SCFD1: variants seen among roughly 807,000 people sequenced by gnomAD.
The protein encoded by SCFD1 is sec1 family domain containing 1.
A neutral mutation model predicts 103.2 loss-of-function variants in SCFD1; 37 were observed. The observed-to-expected ratio is 0.36, with a 90% CI of 0.28 to 0.47. The LOEUF is 0.47. Ranked by LOEUF, SCFD1 falls within the 20% of genes least tolerant of loss-of-function variation. SCFD1 has a pLI of 1.00. For synonymous variants in SCFD1, 264 were observed against 245.0 expected, an observed-to-expected ratio of 1.08 and a Z score of -0.73; for missense variants, 639 against 761.2, an observed-to-expected ratio of 0.84 and a Z score of 1.89.
At chr14:30,700,581 G>A (rs943710141) in intron 16 of SCFD1, among the ~76,000 whole-genome samples, 1 of 152,174 alleles carries the variant, frequency 6.6e-6, no homozygotes, top group African/African-American at 2.4e-5. Context: ...GGCTGAGGCA[G>A]GAGAATCGCT....
chr14:30,694,095 A>G (rs1440507067), intron 14 of SCFD1, among the ~76,000 whole-genome samples: 1 of 152,212 alleles, frequency 6.6e-6, no homozygotes, highest in Non-Finnish European at 1.5e-5. Context: ...AATTTAGTTT[A>G]AGGTAACTTT....
At chr14:30,657,839 C>T (rs1046054721) in intron 10 of SCFD1, among the ~76,000 whole-genome samples, 1 of 151,972 alleles carries the variant, frequency 6.6e-6, no homozygotes, top group African/African-American at 2.4e-5. Flanking sequence ...AATGTCTTTG[C>T]CTGAAAATCT....
intron 3 of SCFD1, among the ~76,000 whole-genome samples, chr14:30,633,100 G>T (rs956586961): frequency 6.6e-6 from 1 of 152,162 alleles, no homozygotes; most frequent in Non-Finnish European, 1.5e-5. Flanking sequence ...TGAAATGGTG[G>T]TTGTAGCCCA....
rs117508094 is a variant in SCFD1, at chr14:30,632,623, G to T, written c.222-1324G>T. ...ACTTCATGCTATCCTTGGAAATTGT[G>T]GTTTATTAATAAACATTGAGTGCCA... is the stretch of plus-strand genomic sequence containing the variant. On this transcript the variant is annotated intron_variant, in intron 3 of 24. Coordinates refer to ENST00000458591, the MANE Select transcript of SCFD1 (RefSeq NM_016106.4). 5.1e-3 allele frequency among the ~76,000 whole-genome samples: 771 copies of T among 152,144 alleles called. 1 individual carries two copies. Among genetic ancestry groups the T allele is most frequent in the Non-Finnish European group, 8.2e-3 (558 of 67,990 alleles).
At position 30,622,411 on chromosome 14, in the gene SCFD1, T is replaced by C; in HGVS notation, c.61+12T>C. ...GGAAAGGCAGACAGGTACTGACTTA[T>C]TCTCTTCTCCTTGAAGCTTCGTGAC... On this transcript the variant is annotated intron_variant, in intron 1 of 24. Coordinates refer to ENST00000458591, the MANE Select transcript of SCFD1 (RefSeq NM_016106.4). 12 of 1,551,688 alleles carry C rather than the reference T, an allele frequency of 7.7e-6. No individual in the cohort carries two copies. Among genetic ancestry groups the C allele is most frequent in the Middle Eastern group, 1.7e-4 (1 of 5,988 alleles).
intron 17 of SCFD1, among the ~76,000 whole-genome samples, chr14:30,703,960 T>TATATATAA (rs1891286541): frequency 2.2e-5 from 1 of 45,398 alleles, no homozygotes; most frequent in Non-Finnish European, 3.2e-5. Context: ...TATATATATA[T>TATATATAA]ATAAATAATG....
chr14:30,622,308 C>T (rs1191754148), upstream of SCFD1: 7 of 1,594,034 alleles, frequency 4.4e-6, no homozygotes, highest in Non-Finnish European at 6.0e-6. Flanking sequence ...CGCTCCGCTC[C>T]CCAGCCGGGC....
chr14:30,684,524 A>G (rs1212542720), intron 14 of SCFD1, among the ~76,000 whole-genome samples: 13 of 152,132 alleles, frequency 8.5e-5, no homozygotes, highest in Admixed American at 7.2e-4. Flanking sequence ...TGAATGTAAA[A>G]TCAGTCTGAT....
At chr14:30,625,056 A>G (rs555899720) in intron 1 of SCFD1, among the ~76,000 whole-genome samples, 61 of 152,086 alleles carry the variant, frequency 4.0e-4, no homozygotes, top group Admixed American at 1.6e-3. Context: ...AGCACTTACC[A>G]TGATCTACAT....
intron 15 of SCFD1, among the ~76,000 whole-genome samples, chr14:30,696,798 T>G (rs1299922442): frequency 6.6e-6 from 1 of 151,872 alleles, no homozygotes; most frequent in Non-Finnish European, 1.5e-5. Context: ...AAATCAGAGC[T>G]CAAGTGAAGT....
chr14:30,734,023 CTTTTG>C (rs1245794360), intron 23 of SCFD1, among the ~76,000 whole-genome samples: 1 of 152,080 alleles, frequency 6.6e-6, no homozygotes, highest in South Asian at 2.1e-4. Context: ...TGAGTTGTGG[CTTTTG>C]TTTTATTTAT....
chr14:30,678,014 A>C (rs1296820264), intron 14 of SCFD1, among the ~76,000 whole-genome samples: 1 of 151,360 alleles, frequency 6.6e-6, no homozygotes, highest in African/African-American at 2.4e-5. Flanking sequence ...TAATTTATGT[A>C]TTTTTAGTAG....
intron 3 of SCFD1, among the ~76,000 whole-genome samples, chr14:30,633,738 G>A (rs1884417317): frequency 6.6e-6 from 1 of 152,146 alleles, no homozygotes. Flanking sequence ...TAGAACAAAT[G>A]AAGACTAACA....
intron 14 of SCFD1, among the ~76,000 whole-genome samples, chr14:30,678,315 AC>A (rs1403505562): frequency 1.3e-5 from 2 of 152,126 alleles, no homozygotes; most frequent in Non-Finnish European, 2.9e-5. Flanking sequence ...CCTGGCAGTT[AC>A]CCCGCAATTG....
rs1046849136 is a variant in SCFD1, at chr14:30,690,553, GGGTGGAAGTGACCCGATTTTCCA to G, written c.1243-4215_1243-4193del. Among the ~76,000 whole-genome samples, 87 of 133,786 alleles carry G rather than the reference GGGTGGAAGTGACCCGATTTTCCA, an allele frequency of 6.5e-4. 1 individual carries two copies. Among genetic ancestry groups the G allele is most frequent in the Admixed American group, 9.7e-4 (13 of 13,408 alleles). 87.8% of individuals were successfully genotyped at this position (133,786 alleles called of 152,430 possible). On this transcript the variant is annotated intron_variant, in intron 14 of 24. Transcript: ENST00000458591. ...AGCCGGTCTGAAAAGCGCAATATTCGGGTGGAAGTGACCCGATTTTCCAGGTGCGTCCGTCACCCCTTTTTTTG... is the reference window on the plus strand; with the variant it reads ...AGCCGGTCTGAAAAGCGCAATATTCGGGTGCGTCCGTCACCCCTTTTTTTG...
chr14:30,717,755 G>A (rs544159671), intron 20 of SCFD1, among the ~76,000 whole-genome samples: 1 of 151,654 alleles, frequency 6.6e-6, no homozygotes, highest in African/African-American at 2.4e-5. Context: ...ATGGTGGCAC[G>A]CACCTGTAAT....
intron 17 of SCFD1, among the ~76,000 whole-genome samples, chr14:30,703,910 CATAT>C (rs71443380): frequency 0.014 from 532 of 39,218 alleles, 3 homozygotes; most frequent in Non-Finnish European, 0.025. Flanking sequence ...GGAATATTTG[CATAT>C]ATATATATAT....
chr14:30,698,566 G>C (rs1890855409), intron 15 of SCFD1, among the ~76,000 whole-genome samples: 2 of 152,198 alleles, frequency 1.3e-5, no homozygotes, highest in Admixed American at 6.5e-5. Context: ...AAAACTCGGA[G>C]GGAGGGGAAC....
At chr14:30,658,846 A>G (rs565405310) in intron 10 of SCFD1, among the ~76,000 whole-genome samples, 1 of 152,276 alleles carries the variant, frequency 6.6e-6, no homozygotes, top group South Asian at 2.1e-4. Flanking sequence ...TGATCCTCTA[A>G]TCTTTATTAA....
Sources: allele counts gnomAD v4.1 joint callset (sites outside exome capture counted in the v4.1 genomes callset), GRCh38; gene constraint gnomAD v4.1.1; transcripts MANE v1.5; gene names NCBI Gene and HGNC (gene_info 2026-07-23, HGNC 2026-07-21).